TBC1D22A: variants seen among roughly 807,000 people sequenced by gnomAD.
The protein encoded by TBC1D22A is TBC1 domain family member 22A, also known as putative GTPase activator.
Under a neutral mutation model 60.2 loss-of-function variants are expected in TBC1D22A, and 38 were observed. That is an observed-to-expected ratio of 0.63 (90% confidence interval 0.49 to 0.83). TBC1D22A has a LOEUF of 0.83. Ranked by LOEUF, TBC1D22A falls within the 40% of genes least tolerant of loss-of-function variation. TBC1D22A has a pLI of 0.00. For synonymous variants in TBC1D22A, 302 were observed against 281.7 expected (o/e 1.07, Z -0.72); for missense variants, 628 against 701.0 (o/e 0.90, Z 1.18).
intron 1 of TBC1D22A, among the ~76,000 whole-genome samples, chr22:46,784,854 A>G (rs1046648570): frequency 2.6e-5 from 4 of 152,260 alleles, no homozygotes; most frequent in African/African-American, 9.6e-5. Context: ...CATTTCATAC[A>G]TGTTCTTATT....
chr22:46,927,621 A>T (rs576459372), intron 8 of TBC1D22A, among the ~76,000 whole-genome samples: 5 of 152,242 alleles, frequency 3.3e-5, no homozygotes, highest in Admixed American at 2.0e-4. Context: ...AACAAAAGTC[A>T]TCCAGAATGG....
At chr22:47,166,015 T>G (rs752872733) in intron 12 of TBC1D22A, among the ~76,000 whole-genome samples, 1 of 152,272 alleles carries the variant, frequency 6.6e-6, no homozygotes, top group Non-Finnish European at 1.5e-5. Context: ...AATGGGCCTT[T>G]TAGCCCCATC....
chr22:46,879,116 G>GTTTT (rs131870), intron 5 of TBC1D22A, among the ~76,000 whole-genome samples: 1 of 135,436 alleles, frequency 7.4e-6, no homozygotes, highest in African/African-American at 2.7e-5. Context: ...GTTTGACCAA[G>GTTTT]TTTTTTTTTT....
At chr22:47,147,137 C>A (rs529648750) in intron 12 of TBC1D22A, among the ~76,000 whole-genome samples, 7 of 152,296 alleles carry the variant, frequency 4.6e-5, no homozygotes, top group Non-Finnish European at 1.0e-4. Context: ...CCAGGTCAGG[C>A]CTCGGCGGGT....
Position 46,986,200 on chromosome 22 carries a change from A to C in TBC1D22A, c.1126-11434A>C, listed in dbSNP as rs578140409. ...TTTCACTTTTGCTGAAAATTAGATG[A>C]TTGTATAGGTGTGTGTCTGTTTCGG... On this transcript the variant is annotated intron_variant, in intron 9 of 12. Coordinates refer to ENST00000337137, the MANE Select transcript of TBC1D22A (RefSeq NM_014346.5). 3.3e-5 allele frequency among the ~76,000 whole-genome samples: 5 copies of C among 152,260 alleles called. No homozygotes were observed. The South Asian group carries it at 1.0e-3, about 32-fold the overall frequency.
intron 10 of TBC1D22A, among the ~76,000 whole-genome samples, chr22:47,003,894 C>T (rs1602940266): frequency 6.8e-6 from 1 of 147,048 alleles, no homozygotes; most frequent in Admixed American, 6.7e-5. Context: ...ACACACCCTA[C>T]ACACGCATGC....
At position 46,985,290 on chromosome 22, in the gene TBC1D22A, G is replaced by A. The variant is rs8141644; in HGVS notation, c.1125+10891G>A. Among the ~76,000 whole-genome samples, 1,161 of 152,236 alleles carry A rather than the reference G, an allele frequency of 7.6e-3. 14 individuals are homozygous for A. The highest frequency in any genetic ancestry group is 0.026 in the African/African-American group (1,075 of 41,550). On this transcript the variant is annotated intron_variant, in intron 9 of 12. Coordinates refer to ENST00000337137, the MANE Select transcript of TBC1D22A (RefSeq NM_014346.5). Reference sequence around the variant, plus strand: ...GGGTGGGGGAATGAATGCCTGGAGCGCCGAGTCCGTTTAGATGTGTCAAAT... The same window carrying A: ...GGGTGGGGGAATGAATGCCTGGAGCACCGAGTCCGTTTAGATGTGTCAAAT...
chr22:46,915,328 C>T, intron 8 of TBC1D22A: 1 of 446,600 alleles, frequency 2.2e-6, no homozygotes, highest in Non-Finnish European at 4.5e-6. Flanking sequence ...TTTGCTGGGT[C>T]TTCAAGCCGG....
chr22:47,015,095 A>T (rs553270199), intron 10 of TBC1D22A, among the ~76,000 whole-genome samples: 4 of 152,224 alleles, frequency 2.6e-5, no homozygotes, highest in Non-Finnish European at 5.9e-5. Context: ...CTGCGGGACA[A>T]ACTGGACGCA....
At chr22:46,808,187 G>A (rs1201080835) in intron 4 of TBC1D22A, among the ~76,000 whole-genome samples, 1 of 151,950 alleles carries the variant, frequency 6.6e-6, no homozygotes, top group African/African-American at 2.4e-5. Context: ...GCAAAACCCC[G>A]TCTTTACTAA....
At chr22:46,968,528 C>T (rs1359776172) in intron 8 of TBC1D22A, among the ~76,000 whole-genome samples, 1 of 149,322 alleles carries the variant, frequency 6.7e-6, no homozygotes, top group East Asian at 2.0e-4. Flanking sequence ...GGCAGGCGTC[C>T]TCACTGCGTG....
intron 4 of TBC1D22A, among the ~76,000 whole-genome samples, chr22:46,839,573 T>G (rs1045067178): frequency 6.6e-6 from 1 of 152,212 alleles, no homozygotes; most frequent in African/African-American, 2.4e-5. Flanking sequence ...AATGACATGT[T>G]TTGCAAAAAG....
chr22:46,956,295 G>T (rs1385230511), intron 8 of TBC1D22A, among the ~76,000 whole-genome samples: 3 of 152,272 alleles, frequency 2.0e-5, no homozygotes, highest in East Asian at 3.9e-4. Flanking sequence ...ATAAGAAGAA[G>T]AGATGTGGGG....
At chr22:46,969,435 G>A (rs2073960299) in intron 8 of TBC1D22A, among the ~76,000 whole-genome samples, 2 of 152,174 alleles carry the variant, frequency 1.3e-5, no homozygotes, top group South Asian at 2.1e-4. Context: ...TGTTGATAAA[G>A]GGGGGCTTAT....
At position 47,103,674 on chromosome 22, in the gene TBC1D22A, C is replaced by T. The variant is rs1698720632; in HGVS notation, c.1330-7834C>T. Among the ~76,000 whole-genome samples the T allele has an allele frequency of 2.0e-5, 3 of 152,334 alleles. No homozygotes were observed. The South Asian group carries it at 6.2e-4, about 32-fold the overall frequency. The stretch of plus-strand genomic sequence containing the variant: ...TAGGAGTCGCAGTGGCATTTAAACT[C>T]AGTTGAAATATTTGGTCAATTTTAA... On this transcript the variant is annotated intron_variant, in intron 11 of 12. Coordinates refer to ENST00000337137, the MANE Select transcript of TBC1D22A (RefSeq NM_014346.5).
At chr22:47,119,784 C>T (rs909379317) in intron 12 of TBC1D22A, among the ~76,000 whole-genome samples, 1 of 152,164 alleles carries the variant, frequency 6.6e-6, no homozygotes, top group African/African-American at 2.4e-5. Context: ...CATGAGCCAT[C>T]GTGCCAGGCC....
intron 4 of TBC1D22A, among the ~76,000 whole-genome samples, chr22:46,861,983 T>G (rs913945045): frequency 7.2e-5 from 11 of 152,030 alleles, no homozygotes; most frequent in Admixed American, 3.3e-4. Context: ...GTCAGGACAG[T>G]GTACTGGGGC....
chr22:47,062,061 C>G (rs1310754844), intron 11 of TBC1D22A, among the ~76,000 whole-genome samples: 1 of 123,636 alleles, frequency 8.1e-6, no homozygotes, highest in East Asian at 2.8e-4. Flanking sequence ...GCACTCCAGC[C>G]TGGGCGACAG....
At chr22:47,037,309 T>A (rs1203190151) in intron 11 of TBC1D22A, 111 bp downstream of exon 11, 5 of 1,455,918 alleles carry the variant, frequency 3.4e-6, no homozygotes, top group Admixed American at 1.9e-5. Context: ...TTCCAAGCGC[T>A]CTCTCCATTG....
Sources: allele counts gnomAD v4.1 joint callset (sites outside exome capture counted in the v4.1 genomes callset), GRCh38; gene constraint gnomAD v4.1.1; transcripts MANE v1.5; gene names NCBI Gene and HGNC (gene_info 2026-07-23, HGNC 2026-07-21).